Variants in TENM4 observed in about 807,000 individuals in gnomAD.
TENM4 encodes teneurin transmembrane protein 4, also known as teneurin-4.
TENM4 carries 82 observed loss-of-function variants against 243.3 expected under a neutral mutation model. That is an observed-to-expected ratio of 0.34 (90% CI 0.28 to 0.40). The LOEUF (loss-of-function observed/expected upper bound fraction) is 0.40. Ranked by LOEUF, TENM4 falls within the 10% of genes least tolerant of loss-of-function variation. TENM4 has a pLI of 1.00. For missense variants in TENM4, 3,138 were observed against 3,673.3 expected (o/e 0.85, Z 3.77); for synonymous variants, 1,412 against 1,456.3 (o/e 0.97, Z 0.69).
chr11:78,903,173 T>G, intron 7 of TENM4, 95 bp downstream of exon 7: 1 of 1,407,862 alleles, frequency 7.1e-7, no homozygotes, highest in Non-Finnish European at 9.3e-7. Context: ...GCCGGCGTTA[T>G]CTGGGGACAC....
intron 6 of TENM4, among the ~76,000 whole-genome samples, chr11:78,945,302 T>G (rs2136470795): frequency 6.6e-6 from 1 of 152,354 alleles, no homozygotes. Flanking sequence ...ATGTTTAAAC[T>G]ATTACTATCT....
intron 5 of TENM4, among the ~76,000 whole-genome samples, chr11:79,066,583 CA>C (rs1205519913): frequency 6.6e-6 from 1 of 152,108 alleles, no homozygotes; most frequent in Non-Finnish European, 1.5e-5. Context: ...CGCACACACA[CA>C]TGCACACAAG....
chr11:79,031,889 T>C (rs1194601544), intron 6 of TENM4, among the ~76,000 whole-genome samples: 1 of 152,198 alleles, frequency 6.6e-6, no homozygotes, highest in Non-Finnish European at 1.5e-5. Flanking sequence ...GGGAAAGGGT[T>C]ACTGGCATCT....
chr11:79,111,873 G>A (rs1184765585), intron 4 of TENM4, among the ~76,000 whole-genome samples: 2 of 152,188 alleles, frequency 1.3e-5, no homozygotes, highest in Non-Finnish European at 2.9e-5. Flanking sequence ...AGACGTGGGT[G>A]AATCCTGGCT....
At chr11:79,427,231 G>C (rs569541366) in intron 1 of TENM4, among the ~76,000 whole-genome samples, 1 of 152,184 alleles carries the variant, frequency 6.6e-6, no homozygotes, top group Non-Finnish European at 1.5e-5. Context: ...CACATTGTCA[G>C]AAGCTTTAAA....
chr11:78,970,129 C>A (rs956750913), intron 6 of TENM4, among the ~76,000 whole-genome samples: 1 of 152,182 alleles, frequency 6.6e-6, no homozygotes, highest in African/African-American at 2.4e-5. Flanking sequence ...GAAAGGTCTG[C>A]GGCTCGTGGA....
chr11:79,346,015 G>C (rs1357450401), intron 1 of TENM4, among the ~76,000 whole-genome samples: 1 of 152,124 alleles, frequency 6.6e-6, no homozygotes, highest in Non-Finnish European at 1.5e-5. Flanking sequence ...TGTCTCCATA[G>C]AGTTGACAGA....
chr11:79,111,326 A>T (rs1861500996), intron 4 of TENM4, among the ~76,000 whole-genome samples: 1 of 152,134 alleles, frequency 6.6e-6, no homozygotes, highest in Non-Finnish European at 1.5e-5. Flanking sequence ...TGGGTAGATT[A>T]CAAGGTCAGG....
intron 28 of TENM4, 42 bp downstream of exon 28, chr11:78,701,480 GAATT>G (rs753521453): frequency 6.6e-7 from 1 of 1,518,462 alleles, no homozygotes; most frequent in Non-Finnish European, 8.8e-7. Context: ...ATCCTACAAT[GAATT>G]AATGAAACAA....
At chr11:78,696,296 C>T (rs1440263715) in intron 28 of TENM4, among the ~76,000 whole-genome samples, 2 of 152,132 alleles carry the variant, frequency 1.3e-5, no homozygotes, top group African/African-American at 4.8e-5. Flanking sequence ...CATTGTTCGC[C>T]TTTTCCATTA....
chr11:78,951,030 G>A (rs958739019), intron 6 of TENM4, among the ~76,000 whole-genome samples: 1 of 152,340 alleles, frequency 6.6e-6, no homozygotes, highest in Non-Finnish European at 1.5e-5. Context: ...AGGTTATGTT[G>A]CTTGTCTCCT....
At chr11:78,706,135 T>C (rs1308770607) in intron 27 of TENM4, among the ~76,000 whole-genome samples, 2 of 152,190 alleles carry the variant, frequency 1.3e-5, no homozygotes, top group Non-Finnish European at 2.9e-5. Flanking sequence ...CCTATGAGAC[T>C]ATTGTGATAG....
In TENM4 at chr11:79,319,879, C is replaced by G. The variant is rs59538983; in HGVS notation, c.-320-22336G>C. On this transcript the variant is annotated intron_variant, in intron 1 of 33. Coordinates refer to ENST00000278550, the MANE Select transcript of TENM4 (RefSeq NM_001098816.3). ...GTCCTGAAGCTCCATCCCTAGTCCC[C>G]TTAGTCCACACTAGGTGACCACCAC... is the stretch of plus-strand genomic sequence containing the variant. 7.6e-3 allele frequency among the ~76,000 whole-genome samples: 1,155 copies of G among 152,274 alleles called. 18 individuals carry two copies. Among genetic ancestry groups the G allele is most frequent in the African/African-American group, 0.026 (1,071 of 41,558 alleles).
intron 18 of TENM4, among the ~76,000 whole-genome samples, chr11:78,761,861 C>T (rs1856438017): frequency 6.6e-6 from 1 of 152,092 alleles, no homozygotes; most frequent in Non-Finnish European, 1.5e-5. Flanking sequence ...TGGATGTGCC[C>T]TGTCTGCTGA....
intron 10 of TENM4, among the ~76,000 whole-genome samples, chr11:78,861,935 T>C (rs1053222494): frequency 2.6e-5 from 4 of 152,206 alleles, no homozygotes; most frequent in African/African-American, 9.6e-5. Context: ...GGCTGGGTTA[T>C]TAGCTCAGAC....
At chr11:79,383,138 C>A (rs531731375) in intron 1 of TENM4, among the ~76,000 whole-genome samples, 1 of 152,160 alleles carries the variant, frequency 6.6e-6, no homozygotes, top group Non-Finnish European at 1.5e-5. Flanking sequence ...CCCTTTCTGG[C>A]CACCCCTCAC....
intron 2 of TENM4, among the ~76,000 whole-genome samples, chr11:79,243,799 T>C (rs1393476691): frequency 1.3e-5 from 2 of 152,246 alleles, no homozygotes; most frequent in African/African-American, 2.4e-5. Flanking sequence ...ATAAGTCATG[T>C]GCCAGCCAAG....
rs187411237 is a variant in TENM4 at position 78,844,799 on chromosome 11, G to A, written c.1681+9305C>T. ...CCAACCCTGCCAGTACCTTGATCTT[G>A]GATGTGCAGTGTTCAGAACTGTGAG... On this transcript the variant is annotated intron_variant, in intron 12 of 33. Transcript: ENST00000278550. Among the ~76,000 whole-genome samples the A allele has an allele frequency of 1.3e-3, 204 of 152,240 alleles. 1 individual carries two copies. The highest frequency in any genetic ancestry group is 2.0e-3 in the Non-Finnish European group (139 of 68,014).
chr11:78,805,282 C>CACCCCCCCCCCCCCCCCCCCCCCTTT lies in TENM4; in HGVS notation c.2179+9_2179+10insAAAGGGGGGGGGGGGGGGGGGGGGGT. ...CCCTCTACCCATGCTTCTTCTCCCC[C>CACCCCCCCCCCCCCCCCCCCCCCTTT]TGCATTTACCGATAGAACAGTCGTG... On this transcript the variant is annotated intron_variant, in intron 15 of 33. Transcript: ENST00000278550. 1.0e-6 allele frequency: 1 copy of CACCCCCCCCCCCCCCCCCCCCCCTTT among 995,566 alleles called. No homozygotes were observed. The allele number at this position is 995,566 out of a possible 1,614,324, so 61.7% of individuals were successfully genotyped here.
Sources: allele counts gnomAD v4.1 joint callset (sites outside exome capture counted in the v4.1 genomes callset), GRCh38; gene constraint gnomAD v4.1.1; transcripts MANE v1.5; gene names NCBI Gene and HGNC (gene_info 2026-07-23, HGNC 2026-07-21).